The following BBS9 variants were observed in gnomAD, a reference collection of about 807,000 sequenced individuals.
BBS9 encodes the protein Bardet-Biedl syndrome 9.
A neutral mutation model predicts 117.7 loss-of-function variants in BBS9; 89 were observed. That is an observed-to-expected ratio of 0.76 (90% CI 0.64 to 0.90). BBS9 has a LOEUF of 0.90. Ranked by LOEUF, BBS9 falls within the 40% of genes least tolerant of loss-of-function variation. The pLI is 0.00. For missense variants in BBS9, 982 were observed against 1,042.2 expected (o/e 0.94, Z 0.80); for synonymous variants, 379 against 370.9 (o/e 1.02, Z -0.25).
chr7:33,450,765 G>A (rs1257354639), intron 19 of BBS9, among the ~76,000 whole-genome samples: 1 of 151,446 alleles, frequency 6.6e-6, no homozygotes, highest in Non-Finnish European at 1.5e-5. Flanking sequence ...TATATATTCT[G>A]GATATTAATT....
At chr7:33,615,135 C>T (rs183727277) in intron 21 of BBS9, among the ~76,000 whole-genome samples, 8 of 151,952 alleles carry the variant, frequency 5.3e-5, no homozygotes, top group African/African-American at 1.9e-4. Context: ...AACCTTACCA[C>T]CACATTACTA....
At chr7:33,333,189 C>T (rs1232004206) in intron 9 of BBS9, among the ~76,000 whole-genome samples, 6 of 152,088 alleles carry the variant, frequency 3.9e-5, no homozygotes, top group Admixed American at 6.6e-5. Context: ...CAATATATAG[C>T]CTTTTGTCCC....
intron 14 of BBS9, chr7:33,352,068 C>A (rs1818770669): frequency 6.5e-6 from 1 of 152,770 alleles, no homozygotes; most frequent in African/African-American, 2.4e-5. Context: ...TCACCTGGGA[C>A]CTTTCCGTAT....
intron 19 of BBS9, among the ~76,000 whole-genome samples, chr7:33,445,731 G>T (rs925561533): frequency 1.3e-5 from 2 of 152,162 alleles, no homozygotes; most frequent in Non-Finnish European, 2.9e-5. Flanking sequence ...CTGGTGGGAG[G>T]TGATTGGATC....
intron 5 of BBS9, among the ~76,000 whole-genome samples, chr7:33,255,137 A>G (rs1796822338): frequency 6.6e-6 from 1 of 152,120 alleles, no homozygotes; most frequent in African/African-American, 2.4e-5. Flanking sequence ...TGCTGTGCAG[A>G]AAATTTTTAG....
intron 19 of BBS9, among the ~76,000 whole-genome samples, chr7:33,461,887 C>A (rs1839514206): frequency 6.6e-6 from 1 of 151,884 alleles, no homozygotes; most frequent in African/African-American, 2.4e-5. Context: ...ATCTCATTAC[C>A]AAGTACATTC....
At chr7:33,299,203 A>G (rs957472641) in intron 9 of BBS9, among the ~76,000 whole-genome samples, 2 of 152,316 alleles carry the variant, frequency 1.3e-5, no homozygotes, top group African/African-American at 4.8e-5. Flanking sequence ...TTCAGTCATA[A>G]TATTAAAACC....
chr7:33,314,430 CT>C, intron 9 of BBS9: 1 of 230,850 alleles, frequency 4.3e-6, no homozygotes, highest in African/African-American at 2.3e-5. Flanking sequence ...GTATTGCCCA[CT>C]TTTGGCATTA....
At chr7:33,381,682 G>A (rs1825065822) in intron 17 of BBS9, among the ~76,000 whole-genome samples, 1 of 152,054 alleles carries the variant, frequency 6.6e-6, no homozygotes, top group Admixed American at 6.5e-5. Context: ...TTTGATTAAG[G>A]AAAACACCTA....
intron 21 of BBS9, among the ~76,000 whole-genome samples, chr7:33,595,215 C>A (rs1380708793): frequency 6.6e-6 from 1 of 152,080 alleles, no homozygotes; most frequent in Admixed American, 6.6e-5. Flanking sequence ...AACTAAAGAG[C>A]TTCTGTGCAG....
At chr7:33,280,904 C>CTTTT (rs1584065507) in intron 9 of BBS9, among the ~76,000 whole-genome samples, 3 of 43,442 alleles carry the variant, frequency 6.9e-5, no homozygotes, top group African/African-American at 2.2e-4. Context: ...GTTAATTTGT[C>CTTTT]GTTTTTGTTT....
rs1554277710 is a variant in BBS9 at position 33,611,596 on chromosome 7, T to TA, written c.2522-23580dup. ...ATATAAGGTATATATTATATAATAATATTATTTAATTAATTAATATTAATT... is the reference window on the plus strand; with the variant it reads ...ATATAAGGTATATATTATATAATAATAATTATTTAATTAATTAATATTAATT... On this transcript the variant is annotated intron_variant, in intron 21 of 21. Transcript: ENST00000671952. Among the ~76,000 whole-genome samples, 794 of 136,312 alleles carry TA rather than the reference T, an allele frequency of 5.8e-3. 10 individuals are homozygous for TA. Among genetic ancestry groups the TA allele is most frequent in the African/African-American group, 0.021 (757 of 35,994 alleles). 89.4% of individuals were successfully genotyped at this position (136,312 alleles called of 152,430 possible). A position where few individuals can be genotyped will look rare whatever the true frequency, so the allele number is the denominator to read the frequency against.
chr7:33,303,292 A>G (rs991581904), intron 9 of BBS9, among the ~76,000 whole-genome samples: 2 of 152,062 alleles, frequency 1.3e-5, no homozygotes, highest in Non-Finnish European at 2.9e-5. Flanking sequence ...TAGGACTTTC[A>G]GTACTATTTT....
intron 20 of BBS9, among the ~76,000 whole-genome samples, chr7:33,515,058 C>T (rs1847536161): frequency 6.6e-6 from 1 of 152,088 alleles, no homozygotes; most frequent in South Asian, 2.1e-4. Flanking sequence ...GTTACTATTG[C>T]CACTGTATGA....
intron 20 of BBS9, among the ~76,000 whole-genome samples, chr7:33,527,277 C>A (rs962299333): frequency 2.0e-5 from 3 of 152,234 alleles, no homozygotes; most frequent in African/African-American, 7.2e-5. Flanking sequence ...GGGCTCCCCC[C>A]AGTTCGAGCT....
At chr7:33,408,088 A>C (rs974385408) in intron 19 of BBS9, among the ~76,000 whole-genome samples, 2 of 152,202 alleles carry the variant, frequency 1.3e-5, no homozygotes, top group Non-Finnish European at 2.9e-5. Context: ...GGTGGGCTCC[A>C]CCCAGTTCGA....
chr7:33,318,757 C>G (rs1469635260), intron 9 of BBS9, among the ~76,000 whole-genome samples: 1 of 152,008 alleles, frequency 6.6e-6, no homozygotes, highest in Non-Finnish European at 1.5e-5. Context: ...TTCCCCAGTC[C>G]CCAAAGTCCA....
At chr7:33,477,896 C>G (rs1324921325) in intron 19 of BBS9, among the ~76,000 whole-genome samples, 3 of 152,090 alleles carry the variant, frequency 2.0e-5, no homozygotes, top group Non-Finnish European at 4.4e-5. Context: ...TCATTTGAAA[C>G]TTTTGGGTTG....
At chr7:33,419,366 G>A (rs1832518503) in intron 19 of BBS9, among the ~76,000 whole-genome samples, 1 of 151,798 alleles carries the variant, frequency 6.6e-6, no homozygotes, top group Non-Finnish European at 1.5e-5. Context: ...CTTTCTTTTT[G>A]AAATAACCAT....
Sources: allele counts gnomAD v4.1 joint callset (sites outside exome capture counted in the v4.1 genomes callset), GRCh38; gene constraint gnomAD v4.1.1; transcripts MANE v1.5; gene names NCBI Gene and HGNC (gene_info 2026-07-23, HGNC 2026-07-21).